Variants in SYNE2 observed in about 807,000 individuals in gnomAD.
SYNE2 encodes the protein spectrin repeat containing nuclear envelope protein 2, also known as nesprin-2.
In SYNE2, 431 loss-of-function variants were observed where a neutral mutation model predicts 856.3. The ratio of observed to expected loss-of-function variants is 0.50; its 90% CI spans 0.47 to 0.55. SYNE2 has a LOEUF of 0.55. SYNE2 is among the 20% of genes least tolerant of loss of function. The probability of loss-of-function intolerance (pLI) is 0.00; values close to 1 mark genes in which losing one functional copy is unlikely to be tolerated. For synonymous variants in SYNE2, 2,923 were observed against 2,872.3 expected, an observed-to-expected ratio of 1.02 and a Z score of -0.56; for missense variants, 8,129 against 8,023.2, an observed-to-expected ratio of 1.01 and a Z score of -0.50.
intron 110 of SYNE2, 68 bp from the exon 111 acceptor site, chr14:64,220,369 G>A: frequency 1.3e-6 from 2 of 1,559,548 alleles, no homozygotes; most frequent in East Asian, 2.2e-5. Context: ...GTTCCCTACT[G>A]AGGTTCAAAA....
chr14:63,995,726 T>TATTC (rs1567000691), intron 23 of SYNE2, among the ~76,000 whole-genome samples: 2 of 41,572 alleles, frequency 4.8e-5, no homozygotes, highest in East Asian at 1.3e-3. Context: ...ATTCTATATC[T>TATTC]ATCCATCTAT....
At chr14:63,925,751 G>A (rs2095656978) in intron 2 of SYNE2, among the ~76,000 whole-genome samples, 1 of 152,156 alleles carries the variant, frequency 6.6e-6, no homozygotes, top group Non-Finnish European at 1.5e-5. Context: ...CCACAGATAA[G>A]TGAAATCATG....
rs764589465 is a variant in SYNE2, at chr14:64,223,352, A to C, written c.20354A>C (p.Gln6785Pro). 6.8e-6 allele frequency: 11 copies of C among 1,614,146 alleles called. No individual in the cohort carries two copies. In the East Asian group the frequency reaches 2.2e-4, roughly 33 times the overall value. Reference sequence around the variant, plus strand: ...AAACAGTTACGGGAGCAAGTGTCCCAAGATTTAATGGCCTTGCAGGGAACC... The same window carrying C: ...AAACAGTTACGGGAGCAAGTGTCCCCAGATTTAATGGCCTTGCAGGGAACC... Reference protein sequence around the residue: ...KLKQLREQVSQDLMALQGTQN... With the variant: ...KLKQLREQVSPDLMALQGTQN... Residue 6785 changes from glutamine to proline, a missense_variant, in exon 113 of 116, where the codon CAA (glutamine) becomes CCA (proline). This residue lies in a region of SYNE2 where 5,410 missense variants were observed against 5,284.8 expected (regional missense o/e 1.02). Transcript: ENST00000555002.
At chr14:63,824,218 A>G (rs1234283004) in intron 1 of SYNE2, among the ~76,000 whole-genome samples, 1 of 152,154 alleles carries the variant, frequency 6.6e-6, no homozygotes, top group Non-Finnish European at 1.5e-5. Context: ...GTGCATCTGT[A>G]GTCCCAGCTA....
chr14:63,946,580 A>T (rs2096032679), intron 6 of SYNE2, among the ~76,000 whole-genome samples: 2 of 147,788 alleles, frequency 1.4e-5, no homozygotes, highest in Non-Finnish European at 3.0e-5. Flanking sequence ...ACTTTTGTCC[A>T]GTATATATTA....
Position 63,762,812 on chromosome 14 carries a change from T to C in SYNE2, c.-305+826T>C, listed in dbSNP as rs530010939. 1.8e-4 allele frequency among the ~76,000 whole-genome samples: 27 copies of C among 151,932 alleles called. 1 individual carries two copies. The highest frequency in any genetic ancestry group is 1.6e-3 in the Admixed American group (24 of 15,242). On this transcript the variant is annotated intron_variant, in intron 1 of 23. Transcript: ENST00000674003. Reference sequence around the variant, plus strand: ...ATGTCATGATGCCTGCAACTTACTTTCAAATGGTTCAGAAAGAGAGAGAAA... The same window carrying C: ...ATGTCATGATGCCTGCAACTTACTTCCAAATGGTTCAGAAAGAGAGAGAAA...
At chr14:64,030,637 A>G (rs556621061) in intron 44 of SYNE2, among the ~76,000 whole-genome samples, 3 of 152,218 alleles carry the variant, frequency 2.0e-5, no homozygotes, top group Non-Finnish European at 4.4e-5. Context: ...CATTAGATTC[A>G]TTGGGTACAT....
At chr14:63,853,810 G>A (rs900639404) in intron 1 of SYNE2, among the ~76,000 whole-genome samples, 1 of 152,176 alleles carries the variant, frequency 6.6e-6, no homozygotes, top group Non-Finnish European at 1.5e-5. Flanking sequence ...CGACGGCCGG[G>A]ATTATAATTC....
At chr14:64,184,134 G>T (rs947134245) in intron 96 of SYNE2, among the ~76,000 whole-genome samples, 1 of 152,124 alleles carries the variant, frequency 6.6e-6, no homozygotes, top group South Asian at 2.1e-4. Context: ...TAGTCTTTAT[G>T]AACATTTTAA....
chr14:64,143,468 C>A (rs1290131053), intron 82 of SYNE2, among the ~76,000 whole-genome samples: 1 of 152,234 alleles, frequency 6.6e-6, no homozygotes, highest in Non-Finnish European at 1.5e-5. Flanking sequence ...CAGCCTCCCC[C>A]AGGAAGCTTT....
In SYNE2 at chr14:64,017,751, C is replaced by T; in HGVS notation, c.5044C>T (p.Leu1682=). ...HQLTEEDRER[L]KEELQVHEQK... is the part of the protein sequence containing the mutation. Reference sequence around the variant, plus strand: ...ATTGACTGAAGAGGACAGAGAAAGGCTGAAGGTAATTTAACAGATAAAATA... The same window carrying T: ...ATTGACTGAAGAGGACAGAGAAAGGTTGAAGGTAATTTAACAGATAAAATA... The change falls in exon 34 of 116, where the codon CTG becomes TTG. Residue 1682 remains leucine (L), a synonymous_variant. Transcript: ENST00000555002. 6 of 1,613,476 alleles carry T rather than the reference C, an allele frequency of 3.7e-6. No homozygotes were observed. The highest frequency in any genetic ancestry group is 4.2e-6 in the Non-Finnish European group (5 of 1,179,648).
At position 63,976,702 on chromosome 14, in the gene SYNE2, T is replaced by A; in HGVS notation, c.1268T>A (p.Ile423Lys). The A allele has an allele frequency of 1.2e-6, 2 of 1,613,658 alleles. No individual in the cohort carries two copies. Among genetic ancestry groups the A allele is most frequent in the Non-Finnish European group, 1.7e-6 (2 of 1,179,924 alleles). The change falls in exon 12 of 116, where the codon ATA becomes AAA. Residue 423 changes from isoleucine to lysine, a missense_variant. Ile to Lys is a moderately radical substitution (Grantham distance 102). Around this residue, in one of 3 missense-constraint regions of SYNE2, gnomAD observed 2,422 missense variants for 2,357.4 expected, o/e 1.03. Transcript: ENST00000555002. ...GATCACTCTCAAGCCGTGACTCTGA[T>A]ACAAGAGAAAATGACTTTATTCAAG... ...SQDHSQAVTLIQEKMTLFKSL... is the reference protein window; with the variant it reads ...SQDHSQAVTLKQEKMTLFKSL...
chr14:63,856,414 C>CTT (rs1891741794), intron 1 of SYNE2, among the ~76,000 whole-genome samples: 1 of 152,166 alleles, frequency 6.6e-6, no homozygotes, highest in Non-Finnish European at 1.5e-5. Context: ...CAGTCCCTGT[C>CTT]CTGGTGAAGC....
chr14:63,838,195 C>A (rs557292698), intron 1 of SYNE2, among the ~76,000 whole-genome samples: 40 of 152,002 alleles, frequency 2.6e-4, no homozygotes, highest in Non-Finnish European at 5.4e-4. Context: ...CATGGGGAAA[C>A]CTGTCTCTAC....
chr14:64,183,853 C>T (rs923078327), intron 96 of SYNE2, among the ~76,000 whole-genome samples: 5 of 151,732 alleles, frequency 3.3e-5, no homozygotes, highest in Admixed American at 3.3e-4. Flanking sequence ...TGCAGTGAGG[C>T]CAGATGGCAG....
chr14:64,115,379 G>C (rs1316095212), intron 66 of SYNE2, among the ~76,000 whole-genome samples: 1 of 152,132 alleles, frequency 6.6e-6, no homozygotes, highest in African/African-American at 2.4e-5. Flanking sequence ...CACCCAGAGG[G>C]GGAGGAAGGC....
At chr14:64,216,694 C>T (rs2098668165) in intron 108 of SYNE2, among the ~76,000 whole-genome samples, 2 of 152,326 alleles carry the variant, frequency 1.3e-5, no homozygotes, top group Admixed American at 1.3e-4. Context: ...TGCTGGCTTT[C>T]CTGACTGCTC....
intron 106 of SYNE2, among the ~76,000 whole-genome samples, 187 bp from the exon 107 acceptor site, chr14:64,215,099 G>T (rs951493133): frequency 2.0e-5 from 3 of 151,904 alleles, no homozygotes; most frequent in East Asian, 1.9e-4. Flanking sequence ...TTGATACCCA[G>T]TGTCCTGCTT....
intron 49 of SYNE2, among the ~76,000 whole-genome samples, chr14:64,059,556 G>A (rs1360154987): frequency 6.6e-6 from 1 of 152,198 alleles, no homozygotes; most frequent in Non-Finnish European, 1.5e-5. Flanking sequence ...CCTAGAGCTG[G>A]GGTAGGGGTG....
Sources: allele counts gnomAD v4.1 joint callset (sites outside exome capture counted in the v4.1 genomes callset), GRCh38; gene constraint gnomAD v4.1.1; regional missense constraint gnomAD v4.1.1; transcripts MANE v1.5; gene names NCBI Gene and HGNC (gene_info 2026-07-23, HGNC 2026-07-21).